The following TRIM65 variants were observed in gnomAD, a reference collection of about 807,000 sequenced individuals.
The protein encoded by TRIM65 is tripartite motif containing 65, also known as E3 ubiquitin-protein ligase TRIM65.
TRIM65 carries 46 observed loss-of-function variants against 36.1 expected under a neutral mutation model. That is an observed-to-expected ratio of 1.27 (90% CI 1.01 to 1.63). The LOEUF (loss-of-function observed/expected upper bound fraction) is 1.63, where lower values mean the gene tolerates loss of function less well. Among genes scored for constraint, TRIM65 ranks in the 40% most tolerant of loss-of-function variants. The probability of loss-of-function intolerance (pLI) is 0.00; values close to 1 mark genes in which losing one functional copy is unlikely to be tolerated. For missense variants in TRIM65, 708 were observed against 696.6 expected (o/e 1.02, Z -0.18); for synonymous variants, 346 against 313.6 (o/e 1.10, Z -1.09).
chr17:75,896,412 T>TCCCCGC (rs2065347063), intron 1 of TRIM65, 112 bp downstream of exon 1: 1 of 1,219,394 alleles, frequency 8.2e-7, no homozygotes, highest in Non-Finnish European at 1.0e-6. Context: ...CAGATGAGGC[T>TCCCCGC]CCCCGCCCCC....
At position 75,891,081 on chromosome 17, in the gene TRIM65, G is replaced by A. The variant is rs61754937; in HGVS notation, c.1252C>T (p.Arg418Trp). 8.3e-5 allele frequency: 133 copies of A among 1,611,284 alleles called. No homozygotes were observed. The African/African-American group carries it at 1.3e-3, about 15-fold the overall frequency. ...CAGAGCCCCCAGGAGCAGGGTCCCC[G>A]GCCAATGTTGTCTGTGTGGGGCCCC... Reference protein sequence around the residue: ...RLGPHTDNIGRGPCSWGLCVQ... With the variant: ...RLGPHTDNIGWGPCSWGLCVQ... Residue 418 changes from arginine (R) to tryptophan (W), a missense_variant, in exon 6 of 6, where the codon CGG (arginine) becomes TGG (tryptophan). Physicochemically the swap from Arg to Trp is moderately radical, Grantham distance 101. Coordinates refer to ENST00000269383, the MANE Select transcript of TRIM65 (RefSeq NM_173547.4).
At position 75,882,007 on chromosome 17, in the gene TRIM65, G is replaced by A. The variant is rs573423744; in HGVS notation, c.350-1378C>T. Among the ~76,000 whole-genome samples the A allele has an allele frequency of 7.3e-5, 11 of 150,446 alleles. 1 individual carries two copies. The highest frequency in any genetic ancestry group is 5.3e-4 in the Admixed American group (8 of 15,224). On this transcript the variant is annotated intron_variant, in intron 4 of 4. Transcript: ENST00000591668. ...CCAGGCATCAGTGCCACCCTGCTCC[G>A]TGGCTTTGGTGCCCAGGCTGCCTGG...
intron 4 of TRIM65, chr17:75,880,754 C>T (rs1567837745): frequency 6.7e-6 from 1 of 150,326 alleles, no homozygotes. Flanking sequence ...CTTCCCTAAA[C>T]CTCAGCACAC....
At chr17:75,894,210 T>A (rs1196628786) in intron 1 of TRIM65, among the ~76,000 whole-genome samples, 2 of 151,216 alleles carry the variant, frequency 1.3e-5, no homozygotes, top group Non-Finnish European at 3.0e-5. Context: ...CATCCCTCCC[T>A]GCCCATCAGG....
At chr17:75,887,991 TA>T (rs1567840619), downstream of TRIM65, among the ~76,000 whole-genome samples, 1 of 151,610 alleles carries the variant, frequency 6.6e-6, no homozygotes, top group East Asian at 1.9e-4. Flanking sequence ...CTGTCTCTAC[TA>T]AAAAATACAA....
chr17:75,896,395 C>G, intron 1 of TRIM65, 129 bp downstream of exon 1: 3 of 1,211,072 alleles, frequency 2.5e-6, no homozygotes, highest in Non-Finnish European at 3.1e-6. Flanking sequence ...TTGGGAGAAG[C>G]CCCTTACAGA....
At position 75,890,097 on chromosome 17, in the gene TRIM65, C is replaced by G. The variant is rs1390092647; in HGVS notation, c.*682G>C. On this transcript the variant is annotated 3_prime_UTR_variant, in exon 6 of 6. Coordinates refer to ENST00000269383, the MANE Select transcript of TRIM65 (RefSeq NM_173547.4). ...AGGAAACTTCAGAAAACACTGTAAT[C>G]TGAGCTACTCTGGAGGCTGAGGTGG... is the stretch of plus-strand genomic sequence containing the variant. The G allele has an allele frequency of 6.6e-6, 1 of 152,168 alleles. No homozygotes were observed. The highest frequency in any genetic ancestry group is 1.9e-4 in the East Asian group (1 of 5,190). The allele number at this position is 152,168 out of a possible 1,614,324, so 9.4% of individuals were successfully genotyped here.
downstream of TRIM65, among the ~76,000 whole-genome samples, chr17:75,885,737 C>T (rs1014742964): frequency 2.6e-5 from 4 of 152,214 alleles, no homozygotes; most frequent in African/African-American, 9.6e-5. Flanking sequence ...TCTGTTCGGG[C>T]TTCATCCCTG....
downstream of TRIM65, among the ~76,000 whole-genome samples, chr17:75,887,661 A>AG (rs1348465102): frequency 6.6e-6 from 1 of 151,296 alleles, no homozygotes; most frequent in African/African-American, 2.4e-5. Flanking sequence ...AAAAAAAAAA[A>AG]AAAGAAAAAA....
downstream of TRIM65, among the ~76,000 whole-genome samples, chr17:75,886,156 T>C (rs1457117907): frequency 6.6e-6 from 1 of 152,168 alleles, no homozygotes; most frequent in African/African-American, 2.4e-5. Flanking sequence ...ATATGAGACA[T>C]GCCTTTGCTC....
chr17:75,890,944 G>A lies in TRIM65; in HGVS notation c.1389C>T (p.Thr463=). The part of the protein sequence containing the change: ...MDLDLASGCL[T]FYSLEPQTQP... ...GGGTCTGGGGCTCCAGGCTGTAGAAGGTGAGGCAGCCTGAGGCCAGGTCCA... is the reference window on the plus strand; with the variant it reads ...GGGTCTGGGGCTCCAGGCTGTAGAAAGTGAGGCAGCCTGAGGCCAGGTCCA... The change falls in exon 6 of 6, where the codon ACC becomes ACT. Residue 463 remains threonine (T), a synonymous_variant. Transcript: ENST00000269383. The A allele has an allele frequency of 6.4e-7, 1 of 1,557,132 alleles. No homozygotes were observed. Among genetic ancestry groups the A allele is most frequent in the Non-Finnish European group, 8.7e-7 (1 of 1,150,682 alleles).
Position 75,890,773 on chromosome 17 carries a change from C to T in TRIM65, c.*6G>A, listed in dbSNP as rs755936235. 5.5e-6 allele frequency: 8 copies of T among 1,461,566 alleles called. No homozygotes were observed. The South Asian group carries it at 5.9e-5, about 11-fold the overall frequency. The allele number at this position is 1,461,566 out of a possible 1,614,324, so 90.5% of individuals were successfully genotyped here. ...AGCTATGCCAGGGCTCCATCCCATG[C>T]CTTCTTCAGCTGAGCACCTCTTCCT... On this transcript the variant is annotated 3_prime_UTR_variant, in exon 6 of 6. Coordinates refer to ENST00000269383, the MANE Select transcript of TRIM65 (RefSeq NM_173547.4).
downstream of TRIM65, among the ~76,000 whole-genome samples, chr17:75,880,108 G>T (rs1019311926): frequency 3.3e-5 from 5 of 150,622 alleles, 1 homozygote; most frequent in African/African-American, 1.2e-4. Context: ...ATACCACTCT[G>T]GTGTATTCTC....
chr17:75,881,554 G>C (rs1599441901), intron 4 of TRIM65, among the ~76,000 whole-genome samples: 1 of 150,624 alleles, frequency 6.6e-6, no homozygotes, highest in South Asian at 2.1e-4. Context: ...GGGGCCCCTT[G>C]GACAAGGGCA....
chr17:75,891,665 C>T (rs1198718218), intron 5 of TRIM65, 148 bp downstream of exon 5: 2 of 1,074,068 alleles, frequency 1.9e-6, no homozygotes, highest in African/African-American at 3.2e-5. Context: ...GGACCAGGCT[C>T]AGATGTCCCG....
rs758997183 is a variant in TRIM65, at chr17:75,892,277, G to C, written c.734C>G (p.Thr245Ser). The change falls in exon 3 of 6, where the codon ACC becomes AGC. Residue 245 changes from threonine (T) to serine (S), a missense_variant. Coordinates refer to ENST00000269383, the MANE Select transcript of TRIM65 (RefSeq NM_173547.4). Reference protein sequence around the residue: ...RELLEQVDEQTFLQESQLLQP... With the variant: ...RELLEQVDEQSFLQESQLLQP... ...CCTGAGCCCTCGCACCTGCAGGAAG[G>C]TCTGCTCATCCACCTGCTCCAGGAG... 4 of 1,611,872 alleles carry C rather than the reference G, an allele frequency of 2.5e-6. No individual in the cohort carries two copies. In the South Asian group the frequency reaches 4.4e-5, roughly 18 times the overall value.
rs2065352158 is a variant in TRIM65, at chr17:75,896,660, G to A, written c.278C>T (p.Ala93Val). The change falls in exon 1 of 6, where the codon GCG becomes GTG. Residue 93 changes from alanine to valine, a missense_variant. Ala to Val is a moderately conservative substitution (Grantham distance 64). Transcript: ENST00000269383. ...CGGCCGCCCGTGGCGGGGGCAGCGC[G>A]CGGCAGGGTCGGGGCCGGGGCCGGG... ...PDPGPGPDPA[A>V]RCPRHGRPLE... 4.0e-6 allele frequency: 5 copies of A among 1,244,340 alleles called. No homozygotes were observed. Among genetic ancestry groups the A allele is most frequent in the Non-Finnish European group, 2.0e-6 (2 of 998,520 alleles). The allele number at this position is 1,244,340 out of a possible 1,614,324, so 77.1% of individuals were successfully genotyped here.
intron 1 of TRIM65, 137 bp from the exon 2 acceptor site, chr17:75,892,987 C>T (rs1014065881): frequency 1.1e-5 from 8 of 718,600 alleles, no homozygotes; most frequent in East Asian, 1.1e-4. Context: ...TCCAGAGCAC[C>T]GGCCTCGGTC....
At position 75,890,697 on chromosome 17, in the gene TRIM65, C is replaced by T; in HGVS notation, c.*82G>A. 1.6e-6 allele frequency: 2 copies of T among 1,253,730 alleles called. No homozygotes were observed. The highest frequency in any genetic ancestry group is 2.1e-6 in the Non-Finnish European group (2 of 939,758). 77.7% of individuals were successfully genotyped at this position (1,253,730 alleles called of 1,614,324 possible). A position where few individuals can be genotyped will look rare whatever the true frequency, so the allele number is the denominator to read the frequency against. On this transcript the variant is annotated 3_prime_UTR_variant, in exon 6 of 6. Coordinates refer to ENST00000269383, the MANE Select transcript of TRIM65 (RefSeq NM_173547.4). ...AACAGAGAGGCCAACAGCTGGTCCT[C>T]CAGTCCCCAAGCTGAAGCTGGGCAG...
Sources: gnomAD v4.1 joint callset for allele counts (sites outside exome capture counted in the v4.1 genomes callset) on GRCh38, gnomAD v4.1.1 for gene constraint, MANE v1.5 for transcripts, NCBI Gene and HGNC (gene_info 2026-07-23, HGNC 2026-07-21) for gene names.